The following CEP78 variants were observed in gnomAD, a reference collection of about 807,000 sequenced individuals.
The protein encoded by CEP78 is centrosomal protein of 78 kDa.
CEP78 carries 76 observed loss-of-function variants against 81.2 expected under a neutral mutation model. That is an observed-to-expected ratio of 0.94 (90% CI 0.78 to 1.13). The LOEUF (loss-of-function observed/expected upper bound fraction) is 1.13. CEP78 is among the 50% of genes most tolerant of loss of function. The pLI is 0.00. For synonymous variants in CEP78, 293 were observed against 301.4 expected, an observed-to-expected ratio of 0.97 and a Z score of 0.29; for missense variants, 918 against 846.8, an observed-to-expected ratio of 1.08 and a Z score of -1.04.
chr9:78,240,944 T>C (rs1195382221), intron 3 of CEP78, among the ~76,000 whole-genome samples: 1 of 151,096 alleles, frequency 6.6e-6, no homozygotes, highest in Non-Finnish European at 1.5e-5. Flanking sequence ...GCCTGGGCGA[T>C]AGAGCAAGAC....
Position 78,254,877 on chromosome 9 carries a change from ATCC to A in CEP78, c.1296_1298del (p.Ser433del), listed in dbSNP as rs1563989294. The A allele has an allele frequency of 1.2e-6, 2 of 1,611,898 alleles. No individual in the cohort carries two copies. Among genetic ancestry groups the A allele is most frequent in the East Asian group, 2.2e-5 (1 of 44,748 alleles). The stretch of plus-strand genomic sequence containing the variant: ...TGACTGTGACAGTAGAGAGTCCTTC[ATCC>A]TCTGAAGTTGAAGAGGTTGATGATT... On this transcript the variant is annotated inframe_deletion, in exon 11 of 17. Coordinates refer to ENST00000643273, the MANE Select transcript of CEP78 (RefSeq NM_001330691.3).
chr9:78,248,353 GA>G lies in CEP78; in HGVS notation c.956del (p.Glu319GlyfsTer5). ...VLQNGRSAKS[E>X]YQWITSPSVK... ...CCAGAATGGAAGGAGTGCCAAATCAGAGGTATATCATGTTTTATTTCTCCAG... is the reference window on the plus strand; with the variant it reads ...CCAGAATGGAAGGAGTGCCAAATCAGGGTATATCATGTTTTATTTCTCCAG... On this transcript the variant is annotated frameshift_variant and splice_region_variant, in exon 7 of 17. Transcript: ENST00000643273. LOFTEE classifies it high-confidence loss of function. 1 of 1,555,996 alleles carries G rather than the reference GA, an allele frequency of 6.4e-7. No individual in the cohort carries two copies.
At chr9:78,255,646 T>C (rs946641933) in intron 11 of CEP78, among the ~76,000 whole-genome samples, 1 of 152,126 alleles carries the variant, frequency 6.6e-6, no homozygotes, top group Non-Finnish European at 1.5e-5. Context: ...TGATTTTCAT[T>C]TTTTAAATTA....
intron 11 of CEP78, among the ~76,000 whole-genome samples, chr9:78,260,997 C>T (rs1827248802): frequency 6.6e-6 from 1 of 152,034 alleles, no homozygotes; most frequent in Non-Finnish European, 1.5e-5. Context: ...TGTTGCCAGG[C>T]TGGAGTGCAG....
chr9:78,266,372 C>T lies in CEP78; in HGVS notation c.1846-70C>T, dbSNP rs17064270. The T allele has an allele frequency of 2.2e-3, 2,518 of 1,124,680 alleles. 33 individuals are homozygous for T. The African/African-American group carries it at 0.034, about 15-fold the overall frequency. The allele number at this position is 1,124,680 out of a possible 1,614,324, so 69.7% of individuals were successfully genotyped here. ...TTCTAAGATCACAGAATAACATTGA[C>T]GTTTTGAACTCGATTTTTAAATGGA... On this transcript the variant is annotated intron_variant, in intron 15 of 16. Transcript: ENST00000643273.
In CEP78 at chr9:78,254,695, T is replaced by C. The variant is rs567772708; in HGVS notation, c.1252-141T>C. On this transcript the variant is annotated intron_variant, in intron 10 of 16. Transcript: ENST00000643273. ...AAGTTAGTGTCTTTTTACTTTGTTA[T>C]TGATTGTGTTAGACTAAGGAGTAGT... The C allele has an allele frequency of 1.1e-5, 5 of 455,404 alleles. No individual in the cohort carries two copies. In the Admixed American group the frequency reaches 1.2e-4, roughly 11 times the overall value. 28.2% of individuals were successfully genotyped at this position (455,404 alleles called of 1,614,324 possible). A position where few individuals can be genotyped will look rare whatever the true frequency, so the allele number is the denominator to read the frequency against.
rs562074926 is a variant in CEP78, at chr9:78,254,957, C to T, written c.1373C>T (p.Ala458Val). Residue 458 changes from alanine to valine, a missense_variant, in exon 11 of 17, where the codon GCA becomes GTA. Physicochemically the swap from Ala to Val is moderately conservative, Grantham distance 64 (BLOSUM62 0). Coordinates refer to ENST00000643273, the MANE Select transcript of CEP78 (RefSeq NM_001330691.3). ...GAGAAAACTAGTATAGAACAAGAAG[C>T]ATTACAGGTACAAAGCTATCACTTT... ...VPEKTSIEQE[A>V]LQEKLEECLK... 5.6e-6 allele frequency: 9 copies of T among 1,608,262 alleles called. 1 individual carries two copies. In the South Asian group the frequency reaches 9.9e-5, roughly 18 times the overall value.
intron 12 of CEP78, 60 bp downstream of exon 12, chr9:78,263,044 AGT>A (rs1827349318): frequency 4.4e-6 from 4 of 911,016 alleles, no homozygotes; most frequent in Non-Finnish European, 5.1e-6. Context: ...TTTAACTTTA[AGT>A]CATACATACA....
intron 3 of CEP78, 60 bp downstream of exon 3, chr9:78,240,424 G>A: frequency 7.4e-7 from 1 of 1,355,162 alleles, no homozygotes; most frequent in Non-Finnish European, 1.0e-6. Context: ...TTCCCTACAT[G>A]CCATGTTAAT....
rs973711435 is a variant in CEP78 at position 78,266,388 on chromosome 9, T to G, written c.1846-54T>G. On this transcript the variant is annotated intron_variant, in intron 15 of 16. Coordinates refer to ENST00000643273, the MANE Select transcript of CEP78 (RefSeq NM_001330691.3). ...TAACATTGACGTTTTGAACTCGATT[T>G]TTAAATGGATGGCTTTGTTTGTCAC... The G allele has an allele frequency of 4.7e-5, 65 of 1,377,484 alleles. 1 individual carries two copies. The Middle Eastern group carries it at 1.5e-3, about 33-fold the overall frequency. 85.3% of individuals were successfully genotyped at this position (1,377,484 alleles called of 1,614,324 possible).
intron 4 of CEP78, among the ~76,000 whole-genome samples, chr9:78,242,567 G>A (rs975289189): frequency 7.9e-5 from 12 of 152,190 alleles, no homozygotes; most frequent in African/African-American, 2.9e-4. Flanking sequence ...ATGAACTAAT[G>A]TGTATAAAAT....
rs117477513 is a variant in CEP78, at chr9:78,269,860, A to G, written c.2108-981A>G. On this transcript the variant is annotated intron_variant, in intron 16 of 16. Coordinates refer to ENST00000643273, the MANE Select transcript of CEP78 (RefSeq NM_001330691.3). ...TAAGGTGAAAGGAAAGAACCAAGTA[A>G]AGAAGGAGAGGCTCATTTATGCAGC... 1.1e-3 allele frequency among the ~76,000 whole-genome samples: 169 copies of G among 152,328 alleles called. 6 individuals are homozygous for G. The East Asian group carries it at 0.029, about 26-fold the overall frequency.
At chr9:78,264,876 C>T (rs545167376) in intron 13 of CEP78, among the ~76,000 whole-genome samples, 1 of 152,126 alleles carries the variant, frequency 6.6e-6, no homozygotes, top group Non-Finnish European at 1.5e-5. Flanking sequence ...GATCAGTGGT[C>T]CTCAACCAAG....
At chr9:78,238,159 T>G (rs1826051597) in intron 1 of CEP78, among the ~76,000 whole-genome samples, 1 of 150,852 alleles carries the variant, frequency 6.6e-6, no homozygotes, top group Non-Finnish European at 1.5e-5. Flanking sequence ...GGATTTCAGA[T>G]ATCTAAGAGA....
At chr9:78,243,102 AG>A (rs1372855988) in intron 4 of CEP78, among the ~76,000 whole-genome samples, 1 of 152,172 alleles carries the variant, frequency 6.6e-6, no homozygotes, top group African/African-American at 2.4e-5. Context: ...AGACCACTGG[AG>A]GACAGAATGA....
At chr9:78,270,398 A>T (rs1256017107) in intron 16 of CEP78, among the ~76,000 whole-genome samples, 2 of 152,218 alleles carry the variant, frequency 1.3e-5, no homozygotes, top group Non-Finnish European at 2.9e-5. Flanking sequence ...ATATACCTGA[A>T]ATAATATCAT....
At position 78,265,509 on chromosome 9, in the gene CEP78, A is replaced by G; in HGVS notation, c.1763A>G (p.Lys588Arg). 1 of 1,579,252 alleles carries G rather than the reference A, an allele frequency of 6.3e-7. No individual in the cohort carries two copies. Among genetic ancestry groups the G allele is most frequent in the Non-Finnish European group, 8.6e-7 (1 of 1,161,944 alleles). ...KALEDEKPEP[K>R]QNALGQMQNI... ...CTTGAAGATGAAAAACCAGAACCGA[A>G]GCAGAATGCCCTAGGGCAAATGCAA... Residue 588 changes from lysine (K) to arginine (R), a missense_variant, in exon 14 of 17, where the codon AAG becomes AGG. Lys to Arg is a conservative substitution (Grantham distance 26). Transcript: ENST00000643273.
Position 78,236,528 on chromosome 9 carries a change from A to C in CEP78, c.178A>C (p.Ser60Arg), listed in dbSNP as rs1268368829. The change falls in exon 1 of 17, where the codon AGC (serine) becomes CGC (arginine). Residue 60 changes from serine to arginine, a missense_variant. Transcript: ENST00000643273. ...CGGGGTGGACTGGGCGCCTCTGCTG[A>C]GCACCCTCAAGATCAATAAAGACCT... ...LRGVDWAPLL[S>R]TLKINKDLPL... 7 of 1,606,414 alleles carry C rather than the reference A, an allele frequency of 4.4e-6. No individual in the cohort carries two copies. The highest frequency in any genetic ancestry group is 1.1e-5 in the South Asian group (1 of 89,720).
intron 5 of CEP78, among the ~76,000 whole-genome samples, chr9:78,244,145 T>G (rs1826368755): frequency 6.8e-6 from 1 of 146,940 alleles, no homozygotes; most frequent in Non-Finnish European, 1.5e-5. Flanking sequence ...TTTTTTTTTT[T>G]TTTTTTTTTT....
Sources: gnomAD v4.1 joint callset for allele counts (sites outside exome capture counted in the v4.1 genomes callset) on GRCh38, gnomAD v4.1.1 for gene constraint, MANE v1.5 for transcripts, NCBI Gene and HGNC (gene_info 2026-07-23, HGNC 2026-07-21) for gene names.